The following ZSWIM6 variants were observed in gnomAD, a reference collection of about 807,000 sequenced individuals.
The protein encoded by ZSWIM6 is zinc finger SWIM-type containing 6.
A neutral mutation model predicts 113.2 loss-of-function variants in ZSWIM6; 9 were observed. The observed-to-expected ratio is 0.08, with a 90% CI of 0.05 to 0.14. The LOEUF is 0.14. Among genes scored for constraint, ZSWIM6 ranks in the 10% least tolerant of loss-of-function variants. The pLI, the probability that ZSWIM6 is intolerant of heterozygous loss-of-function variation, is 1.00. For synonymous variants in ZSWIM6, 611 were observed against 606.5 expected, an observed-to-expected ratio of 1.01 and a Z score of -0.11; for missense variants, 1,162 against 1,552.2, an observed-to-expected ratio of 0.75 and a Z score of 4.22.
Position 61,531,455 on chromosome 5 carries a change from C to T in ZSWIM6, c.1985-10C>T. Reference sequence around the variant, plus strand: ...TTCTGAGCTCTGATTTCTTTTGTGGCATTTTGCAGAGAATATGGGACAGTG... The same window carrying T: ...TTCTGAGCTCTGATTTCTTTTGTGGTATTTTGCAGAGAATATGGGACAGTG... On this transcript the variant is annotated splice_polypyrimidine_tract_variant and intron_variant, in intron 8 of 13. Transcript: ENST00000252744. 1 of 1,530,448 alleles carries T rather than the reference C, an allele frequency of 6.5e-7. No homozygotes were observed. The highest frequency in any genetic ancestry group is 2.5e-5 in the East Asian group (1 of 40,308). The allele number at this position is 1,530,448 out of a possible 1,614,324, so 94.8% of individuals were successfully genotyped here.
At chr5:61,536,860 GA>G (rs1442364437) in intron 10 of ZSWIM6, among the ~76,000 whole-genome samples, 2 of 152,118 alleles carry the variant, frequency 1.3e-5, no homozygotes, top group Non-Finnish European at 2.9e-5. Flanking sequence ...TAAAATACCA[GA>G]AAATAAGTCA....
At position 61,420,283 on chromosome 5, in the gene ZSWIM6, A is replaced by G. The variant is rs575502299; in HGVS notation, c.677-52398A>G. ...TCTAATGACAGAATAGGATTAAGTG[A>G]TGGAGCATGTGAAAGACCTACAAAA... On this transcript the variant is annotated intron_variant, in intron 1 of 13. Coordinates refer to ENST00000252744, the MANE Select transcript of ZSWIM6 (RefSeq NM_020928.2). Among the ~76,000 whole-genome samples, 3 of 152,376 alleles carry G rather than the reference A, an allele frequency of 2.0e-5. No homozygotes were observed. The South Asian group carries it at 6.2e-4, about 32-fold the overall frequency.
chr5:61,456,665 A>G (rs1747211019), intron 1 of ZSWIM6, among the ~76,000 whole-genome samples: 1 of 152,096 alleles, frequency 6.6e-6, no homozygotes, highest in East Asian at 1.9e-4. Context: ...GAAAGAGGCA[A>G]GGTACAAATG....
At position 61,333,743 on chromosome 5, in the gene ZSWIM6, C is replaced by A. The variant is rs564824441; in HGVS notation, c.676+795C>A. On this transcript the variant is annotated intron_variant, in intron 1 of 13. Transcript: ENST00000252744. Reference sequence around the variant, plus strand: ...CGCGAGCCTGAGGAGGAGCTGCTAGCGCTTCCCTTTTCTCTGAAGCTGCCT... The same window carrying A: ...CGCGAGCCTGAGGAGGAGCTGCTAGAGCTTCCCTTTTCTCTGAAGCTGCCT... Among the ~76,000 whole-genome samples the A allele has an allele frequency of 4.3e-4, 65 of 152,192 alleles. No individual in the cohort carries two copies. The South Asian group carries it at 0.013, about 30-fold the overall frequency.
At chr5:61,522,144 A>G (rs1580060329) in intron 5 of ZSWIM6, among the ~76,000 whole-genome samples, 2 of 144,694 alleles carry the variant, frequency 1.4e-5, no homozygotes, top group East Asian at 2.0e-4. Flanking sequence ...TATTGTACCT[A>G]TCTATTCAAC....
Position 61,416,001 on chromosome 5 carries a change from A to G in ZSWIM6, c.677-56680A>G, listed in dbSNP as rs74488494. 2.4e-3 allele frequency among the ~76,000 whole-genome samples: 361 copies of G among 152,330 alleles called. 2 individuals are homozygous for G. Among genetic ancestry groups the G allele is most frequent in the African/African-American group, 6.5e-3 (270 of 41,578 alleles). ...AGCAATCTGATGTTACTATAAAACC[A>G]AAAGTGTGGATCGTAATCTAAATCT... On this transcript the variant is annotated intron_variant, in intron 1 of 13. Coordinates refer to ENST00000252744, the MANE Select transcript of ZSWIM6 (RefSeq NM_020928.2).
chr5:61,462,712 G>A (rs1297290002), intron 1 of ZSWIM6, among the ~76,000 whole-genome samples: 2 of 152,176 alleles, frequency 1.3e-5, no homozygotes, highest in African/African-American at 4.8e-5. Flanking sequence ...TAATGATGAT[G>A]GCAGGCATTC....
intron 9 of ZSWIM6, among the ~76,000 whole-genome samples, chr5:61,534,092 A>G (rs1191844217): frequency 6.6e-6 from 1 of 152,198 alleles, no homozygotes; most frequent in African/African-American, 2.4e-5. Flanking sequence ...GGGCTTCCAA[A>G]TGTGAATTTT....
At chr5:61,526,223 C>A (rs1580063124) in intron 6 of ZSWIM6, 27 bp from the exon 7 acceptor site, 1 of 1,531,608 alleles carries the variant, frequency 6.5e-7, no homozygotes, top group African/African-American at 1.4e-5. Context: ...ACAGTGGCAA[C>A]TTTACCCCCT....
intron 1 of ZSWIM6, among the ~76,000 whole-genome samples, chr5:61,456,554 A>C (rs977134062): frequency 1.3e-5 from 2 of 152,214 alleles, no homozygotes; most frequent in African/African-American, 4.8e-5. Context: ...GCTGGGGAAT[A>C]CAGCTGCCAC....
At chr5:61,458,787 A>T (rs1747263733) in intron 1 of ZSWIM6, among the ~76,000 whole-genome samples, 1 of 151,772 alleles carries the variant, frequency 6.6e-6, no homozygotes, top group Non-Finnish European at 1.5e-5. Flanking sequence ...CTGAGGCAGG[A>T]GAATCACTTG....
chr5:61,369,969 A>G (rs1579957935), intron 1 of ZSWIM6, among the ~76,000 whole-genome samples: 1 of 152,338 alleles, frequency 6.6e-6, no homozygotes, highest in South Asian at 2.1e-4. Context: ...CAGAGGCTAT[A>G]GCATAAATCA....
intron 1 of ZSWIM6, among the ~76,000 whole-genome samples, chr5:61,394,760 G>A (rs954184415): frequency 2.6e-5 from 4 of 152,170 alleles, no homozygotes; most frequent in Non-Finnish European, 2.9e-5. Context: ...GTATGGAAAG[G>A]CATTCTAGGC....
chr5:61,505,909 G>A (rs1178557407), intron 4 of ZSWIM6, among the ~76,000 whole-genome samples: 1 of 151,692 alleles, frequency 6.6e-6, no homozygotes, highest in African/African-American at 2.4e-5. Flanking sequence ...ACCATGCCCA[G>A]CTAATTTTTT....
At chr5:61,445,065 C>T (rs1206125469) in intron 1 of ZSWIM6, among the ~76,000 whole-genome samples, 1 of 152,180 alleles carries the variant, frequency 6.6e-6, no homozygotes, top group East Asian at 1.9e-4. Context: ...TAGTTGCTGC[C>T]TGCAGCATTT....
chr5:61,476,303 A>G (rs903369457), intron 2 of ZSWIM6, among the ~76,000 whole-genome samples: 2 of 152,072 alleles, frequency 1.3e-5, no homozygotes, highest in Non-Finnish European at 2.9e-5. Context: ...CTTGTGAGCA[A>G]TTTTCTTGTA....
At chr5:61,464,087 G>T (rs1293274500) in intron 1 of ZSWIM6, among the ~76,000 whole-genome samples, 2 of 149,708 alleles carry the variant, frequency 1.3e-5, no homozygotes, top group East Asian at 3.9e-4. Context: ...TGCCTCCTGG[G>T]TTCAAGCGAT....
At chr5:61,537,203 C>T (rs898254478) in intron 10 of ZSWIM6, among the ~76,000 whole-genome samples, 6 of 152,226 alleles carry the variant, frequency 3.9e-5, no homozygotes, top group African/African-American at 7.2e-5. Context: ...TTTTCTAACA[C>T]TCACAAACTC....
intron 1 of ZSWIM6, among the ~76,000 whole-genome samples, chr5:61,372,768 CTA>C (rs1745291883): frequency 1.3e-5 from 2 of 152,152 alleles, no homozygotes; most frequent in Non-Finnish European, 2.9e-5. Flanking sequence ...CTGCTTTTCT[CTA>C]TTAGTTTCCT....
Sources: allele counts gnomAD v4.1 joint callset (sites outside exome capture counted in the v4.1 genomes callset), GRCh38; gene constraint gnomAD v4.1.1; transcripts MANE v1.5; gene names NCBI Gene and HGNC (gene_info 2026-07-23, HGNC 2026-07-21).